MYOM1: variants seen among roughly 807,000 people sequenced by gnomAD.
MYOM1 encodes the protein myomesin-1.
A neutral mutation model predicts 205.3 loss-of-function variants in MYOM1; 164 were observed. The ratio of observed to expected loss-of-function variants is 0.80; its 90% CI spans 0.70 to 0.91. The LOEUF (loss-of-function observed/expected upper bound fraction) is 0.91. Among genes scored for constraint, MYOM1 ranks in the 40% least tolerant of loss-of-function variants. MYOM1 has a pLI of 0.00. For missense variants in MYOM1, 2,011 were observed against 2,127.3 expected, an observed-to-expected ratio of 0.95 and a Z score of 1.08; for synonymous variants, 772 against 789.4, an observed-to-expected ratio of 0.98 and a Z score of 0.37.
At chr18:3,243,566 C>G in the MYOM1 span, among the ~76,000 whole-genome samples, 1 of 152,148 alleles carries the variant, frequency 6.6e-6, no homozygotes, top group Non-Finnish European at 1.5e-5. Flanking sequence ...AACAATTGAC[C>G]AGTTACCATG....
chr18:3,131,431 G>A lies in MYOM1; in HGVS notation c.2450C>T (p.Ala817Val). ...YIFRVRAVNA[A>V]GLSEYSQDSE... ...ATCCTGGGAATATTCACTAAGTCCA[G>A]CTGCATTGACTGCTCTGACCCGGAA... The change falls in exon 17 of 38, where the codon GCT becomes GTT. Residue 817 changes from alanine (A) to valine (V), a missense_variant. Physicochemically the swap from Ala to Val is moderately conservative, Grantham distance 64. Transcript: ENST00000356443. 1 of 1,613,862 alleles carries A rather than the reference G, an allele frequency of 6.2e-7. No homozygotes were observed. The highest frequency in any genetic ancestry group is 8.5e-7 in the Non-Finnish European group (1 of 1,179,804).
intron 17 of MYOM1, among the ~76,000 whole-genome samples, chr18:3,130,203 C>T (rs1048101231): frequency 4.0e-5 from 6 of 151,678 alleles, no homozygotes; most frequent in Non-Finnish European, 7.4e-5. Context: ...CCACCATACC[C>T]GGCTAATTTT....
intron 2 of MYOM1, among the ~76,000 whole-genome samples, chr18:3,213,138 G>C (rs2081211372): frequency 6.6e-6 from 1 of 152,136 alleles, no homozygotes; most frequent in South Asian, 2.1e-4. Flanking sequence ...ACCCAACAGG[G>C]ATTTCGGAAT....
chr18:3,085,087 C>T lies in MYOM1; in HGVS notation c.4297G>A (p.Asp1433Asn). Residue 1433 changes from aspartate (D) to asparagine (N), a missense_variant, in exon 31 of 38, where the codon GAC becomes AAC. Asp to Asn is a conservative substitution (Grantham distance 23). Coordinates refer to ENST00000356443, the MANE Select transcript of MYOM1 (RefSeq NM_003803.4). ...AGTCTGCTCTTATCTTTTCCTCGGT[C>T]ATCTTTCAGGATAACTTCATAAATC... ...AGIYEVILKDDRGKDKSRLKL... is the reference protein window; with the variant it reads ...AGIYEVILKDNRGKDKSRLKL... 1 of 1,609,410 alleles carries T rather than the reference C, an allele frequency of 6.2e-7. No homozygotes were observed.
At chr18:3,148,587 T>C (rs6506071) in intron 13 of MYOM1, among the ~76,000 whole-genome samples, 118,607 of 151,950 alleles carry the variant, frequency 0.78, 46,722 homozygotes, top group African/African-American at 0.89. Context: ...GTGGCTCACG[T>C]CTGTCATCCC....
In MYOM1 at chr18:3,179,802, G is replaced by C. The variant is rs2080702836; in HGVS notation, c.930-3668C>G. ...ATGCTCTTCTTCTATAATTGGTTTA[G>C]GTAATTTCACACTGGACTCAAGCTC... On this transcript the variant is annotated intron_variant, in intron 5 of 37. Transcript: ENST00000356443. The surrounding 1 kb of genome is among the most constrained non-coding windows in gnomAD (Gnocchi z 4.4). Among the ~76,000 whole-genome samples, 1 of 152,156 alleles carries C rather than the reference G, an allele frequency of 6.6e-6. No homozygotes were observed. The highest frequency in any genetic ancestry group is 2.1e-4 in the South Asian group (1 of 4,828).
Position 3,149,146 on chromosome 18 carries a change from T to A in MYOM1, c.1899A>T (p.Ser633=). 6.2e-7 allele frequency: 1 copy of A among 1,613,786 alleles called. No individual in the cohort carries two copies. Among genetic ancestry groups the A allele is most frequent in the South Asian group, 1.1e-5 (1 of 91,074 alleles). Residue 633 remains serine, a splice_region_variant and synonymous_variant, in exon 13 of 38, where the codon TCA becomes TCT. Coordinates refer to ENST00000356443, the MANE Select transcript of MYOM1 (RefSeq NM_003803.4). ...GQIIVTEEEP[S]EGIVPGPPTD... is the part of the protein sequence containing the mutation. ...ATCTGGGGCAACCAGACTTCTTACCTGAAGGTTCCTCTTCAGTAACAATGA... is the reference window on the plus strand; with the variant it reads ...ATCTGGGGCAACCAGACTTCTTACCAGAAGGTTCCTCTTCAGTAACAATGA...
At chr18:3,140,569 TAGGAATAAAA>T (rs2080034349) in intron 14 of MYOM1, among the ~76,000 whole-genome samples, 1 of 152,202 alleles carries the variant, frequency 6.6e-6, no homozygotes, top group African/African-American at 2.4e-5. Flanking sequence ...ACTGATTTGC[TAGGAATAAAA>T]AGGAAGTAAA....
At chr18:3,211,265 C>T (rs2081187606) in intron 2 of MYOM1, among the ~76,000 whole-genome samples, 1 of 152,202 alleles carries the variant, frequency 6.6e-6, no homozygotes, top group African/African-American at 2.4e-5. Flanking sequence ...CTTATTTCAT[C>T]CCAAGTCCTT....
chr18:3,076,315 G>A (rs977835656), intron 34 of MYOM1, among the ~76,000 whole-genome samples: 10 of 152,108 alleles, frequency 6.6e-5, no homozygotes, highest in South Asian at 2.1e-4. Flanking sequence ...TGATTTGCCC[G>A]TCTCGGCCTC....
intron 34 of MYOM1, among the ~76,000 whole-genome samples, chr18:3,077,777 CAGAT>C (rs1360050563): frequency 1.3e-5 from 2 of 152,302 alleles, no homozygotes; most frequent in East Asian, 3.9e-4. Flanking sequence ...TTCACATTGT[CAGAT>C]GGAGTGTGGA....
At chr18:3,157,816 AT>A (rs1355824001) in intron 10 of MYOM1, among the ~76,000 whole-genome samples, 1 of 151,796 alleles carries the variant, frequency 6.6e-6, no homozygotes, top group East Asian at 1.9e-4. Context: ...GAAACACAGT[AT>A]TTGGCTTCTA....
At chr18:3,089,314 C>T (rs2079192726) in intron 28 of MYOM1, 73 bp from the exon 29 acceptor site, 2 of 1,207,962 alleles carry the variant, frequency 1.7e-6, no homozygotes, top group Admixed American at 2.1e-5. Context: ...CACTTAAGTC[C>T]TAAGGTGATT....
upstream of MYOM1, among the ~76,000 whole-genome samples, chr18:3,224,954 C>G (rs1480920942): frequency 6.6e-6 from 1 of 151,970 alleles, no homozygotes; most frequent in Non-Finnish European, 1.5e-5. Context: ...CGTGAGCCAC[C>G]GTGCCCGGCC....
At chr18:3,075,651 G>C in intron 35 of MYOM1, 74 bp downstream of exon 35, 1 of 1,513,640 alleles carries the variant, frequency 6.6e-7, no homozygotes, top group Non-Finnish European at 9.1e-7. Context: ...CTAACACTCA[G>C]AGGGGCGAGC....
chr18:3,137,609 A>C (rs2079989468), intron 14 of MYOM1, among the ~76,000 whole-genome samples: 1 of 152,198 alleles, frequency 6.6e-6, no homozygotes, highest in Non-Finnish European at 1.5e-5. Context: ...ATGGGAGCTA[A>C]AAAATTTGAT....
intron 36 of MYOM1, among the ~76,000 whole-genome samples, chr18:3,073,236 G>A (rs886843318): frequency 1.3e-5 from 2 of 152,126 alleles, no homozygotes; most frequent in Non-Finnish European, 2.9e-5. Flanking sequence ...GAGGGGACGA[G>A]GCACAGGATG....
intron 33 of MYOM1, among the ~76,000 whole-genome samples, chr18:3,080,252 C>T (rs2079069111): frequency 6.6e-6 from 1 of 151,990 alleles, no homozygotes. Context: ...CATATTATGG[C>T]TGGTAAAACT....
rs751330827 is a variant in MYOM1 at position 3,126,692 on chromosome 18, C to T, written c.2991+9G>A. 1.3e-5 allele frequency: 21 copies of T among 1,607,640 alleles called. No homozygotes were observed. The highest frequency in any genetic ancestry group is 1.7e-5 in the Admixed American group (1 of 59,680). On this transcript the variant is annotated intron_variant, in intron 19 of 37. Coordinates refer to ENST00000356443, the MANE Select transcript of MYOM1 (RefSeq NM_003803.4). ...GGACACGCCACACTACAGAAAGTCACGTGCTTACCTTGTATGCCTCCTCAC... is the reference window on the plus strand; with the variant it reads ...GGACACGCCACACTACAGAAAGTCATGTGCTTACCTTGTATGCCTCCTCAC...
Sources: gnomAD v4.1 joint callset for allele counts (sites outside exome capture counted in the v4.1 genomes callset) on GRCh38, gnomAD v4.1.1 for gene constraint, Gnocchi (gnomAD v3.1) non-coding constraint, MANE v1.5 for transcripts, NCBI Gene and HGNC (gene_info 2026-07-23, HGNC 2026-07-21) for gene names.